Variants in SUN1 observed in about 807,000 individuals in gnomAD.
SUN1 encodes the protein Sad1 and UNC84 domain containing 1.
A neutral mutation model predicts 103.2 loss-of-function variants in SUN1; 61 were observed. The observed-to-expected ratio is 0.59, with a 90% CI of 0.48 to 0.73. The LOEUF (loss-of-function observed/expected upper bound fraction) is 0.73. Among genes scored for constraint, SUN1 ranks in the 30% least tolerant of loss-of-function variants. The probability of loss-of-function intolerance (pLI) is 0.00; values close to 1 mark genes in which losing one functional copy is unlikely to be tolerated. For synonymous variants in SUN1, 490 were observed against 425.7 expected, an observed-to-expected ratio of 1.15 and a Z score of -1.86; for missense variants, 1,052 against 1,034.6, an observed-to-expected ratio of 1.02 and a Z score of -0.23.
intron 16 of SUN1, among the ~76,000 whole-genome samples, chr7:868,196 G>A (rs1367513343): frequency 6.6e-6 from 1 of 152,270 alleles, no homozygotes; most frequent in African/African-American, 2.4e-5. Flanking sequence ...CAGGCTGCGT[G>A]CACGGTCTCC....
At chr7:855,986 G>A (rs1826917038) in intron 11 of SUN1, among the ~76,000 whole-genome samples, 1 of 152,224 alleles carries the variant, frequency 6.6e-6, no homozygotes, top group Admixed American at 6.5e-5. Flanking sequence ...GCGTGGTGCT[G>A]CTGCGGATGG....
At position 841,937 on chromosome 7, in the gene SUN1, TC is replaced by T. The variant is rs1810442606; in HGVS notation, c.267-8del. On this transcript the variant is annotated splice_region_variant and splice_polypyrimidine_tract_variant and intron_variant, in intron 2 of 18. Transcript: ENST00000401592. ...GATCTATAAACTTGCTGTTTTTTTT[TC>T]TTCTTAGAACAACAAAACAGCGCAG... 6.2e-7 allele frequency: 1 copy of T among 1,613,436 alleles called. No homozygotes were observed. The highest frequency in any genetic ancestry group is 1.7e-5 in the Admixed American group (1 of 59,948).
At chr7:868,456 C>A in intron 16 of SUN1, 1 of 294,430 alleles carries the variant, frequency 3.4e-6, no homozygotes, top group Non-Finnish European at 6.7e-6. Context: ...TGCATTTTCC[C>A]AGGGCATCAG....
chr7:843,549 A>C, intron 5 of SUN1, 29 bp downstream of exon 5: 1 of 1,613,844 alleles, frequency 6.2e-7, no homozygotes, highest in Non-Finnish European at 8.5e-7. Context: ...AAACTCAGAA[A>C]AAGGTGTGTT....
chr7:855,713 C>T (rs1180493616), intron 11 of SUN1, among the ~76,000 whole-genome samples: 1 of 152,142 alleles, frequency 6.6e-6, no homozygotes, highest in East Asian at 1.9e-4. Flanking sequence ...CAGGCAGAGG[C>T]GAGAATGTAC....
intron 16 of SUN1, chr7:868,864 TGGTC>T (rs1839295929): frequency 8.6e-6 from 1 of 116,550 alleles, no homozygotes; most frequent in Non-Finnish European, 1.6e-5. Context: ...CCTGTGGTGT[TGGTC>T]GGATGGGGGG....
At chr7:873,085 T>TCAA in intron 18 of SUN1, 130 bp from the exon 19 acceptor site, 4 of 863,350 alleles carry the variant, frequency 4.6e-6, no homozygotes, top group Non-Finnish European at 7.6e-6. Context: ...AGACTCTGTC[T>TCAA]CAACAACAAC....
chr7:831,958 G>GT, upstream of SUN1: 1 of 813,980 alleles, frequency 1.2e-6, no homozygotes, highest in South Asian at 5.6e-5. Context: ...AAAATATCCT[G>GT]TTTTTTGGTG....
chr7:852,726 C>T (rs1430515386), intron 8 of SUN1, 59 bp downstream of exon 8: 4 of 1,613,434 alleles, frequency 2.5e-6, no homozygotes. Flanking sequence ...ATATGTGTAA[C>T]TTAGTGGAAA....
upstream of SUN1, among the ~76,000 whole-genome samples, chr7:827,948 C>T (rs925192930): frequency 2.0e-5 from 3 of 152,040 alleles, no homozygotes; most frequent in African/African-American, 4.8e-5. Flanking sequence ...CTCACTCTGT[C>T]ACAGGCTGGA....
At chr7:840,646 T>TC (rs1215769473) in intron 2 of SUN1, among the ~76,000 whole-genome samples, 4 of 148,840 alleles carry the variant, frequency 2.7e-5, no homozygotes, top group Non-Finnish European at 6.0e-5. Flanking sequence ...ATTCTTTTTT[T>TC]TTTTTTTTTT....
chr7:819,128 G>A (rs1783666057), intron 1 of SUN1, among the ~76,000 whole-genome samples: 1 of 151,682 alleles, frequency 6.6e-6, no homozygotes, highest in African/African-American at 2.4e-5. Flanking sequence ...CTCCCAAAGT[G>A]CTGGGATGAC....
At chr7:851,784 T>TA in intron 6 of SUN1, 166 bp from the exon 7 acceptor site, 1 of 666,500 alleles carries the variant, frequency 1.5e-6, no homozygotes, top group Non-Finnish European at 2.6e-6. Flanking sequence ...ATCAGCATGA[T>TA]ACGTTACTGC....
intron 5 of SUN1, among the ~76,000 whole-genome samples, chr7:848,052 G>T (rs1033883671): frequency 6.6e-6 from 1 of 151,264 alleles, no homozygotes; most frequent in African/African-American, 2.4e-5. Context: ...GGGATCCCCT[G>T]GGGGTTACCC....
chr7:843,720 C>T (rs1812409851), intron 5 of SUN1, 200 bp downstream of exon 5: 2 of 1,427,670 alleles, frequency 1.4e-6, no homozygotes, highest in Middle Eastern at 1.8e-4. Flanking sequence ...AATTTTGTAC[C>T]TAAAAGTATT....
At chr7:858,005 G>GA in intron 13 of SUN1, 48 bp downstream of exon 13, 1 of 1,503,272 alleles carries the variant, frequency 6.7e-7, no homozygotes, top group East Asian at 2.4e-5. Context: ...GAAAGTAAAA[G>GA]AAAACTTGAA....
chr7:826,199 G>A (rs1353840994), intron 1 of SUN1, among the ~76,000 whole-genome samples: 1 of 152,184 alleles, frequency 6.6e-6, no homozygotes, highest in African/African-American at 2.4e-5. Context: ...TGGCACTCTA[G>A]CCTGGGCGAC....
At position 874,583 on chromosome 7, in the gene SUN1, A is replaced by G. The variant is rs1843372623; in HGVS notation, c.*1252A>G. 1 of 151,940 alleles carries G rather than the reference A, an allele frequency of 6.6e-6. No homozygotes were observed. The highest frequency in any genetic ancestry group is 6.5e-5 in the Admixed American group (1 of 15,276). The allele number at this position is 151,940 out of a possible 1,614,324, so 9.4% of individuals were successfully genotyped here. A position where few individuals can be genotyped will look rare whatever the true frequency, so the allele number is the denominator to read the frequency against. ...CTCAAATACACTGATGTATGAAACT[A>G]TTCATACATCAAGCAGCATTTTTTT... On this transcript the variant is annotated 3_prime_UTR_variant, in exon 19 of 19. Transcript: ENST00000401592.
chr7:870,268 A>G (rs1369778173), intron 17 of SUN1, among the ~76,000 whole-genome samples: 1 of 151,754 alleles, frequency 6.6e-6, no homozygotes, highest in Non-Finnish European at 1.5e-5. Flanking sequence ...AAATTTTCAT[A>G]AAGTATTTCA....
Sources: gnomAD v4.1 joint callset for allele counts (sites outside exome capture counted in the v4.1 genomes callset) on GRCh38, gnomAD v4.1.1 for gene constraint, MANE v1.5 for transcripts, NCBI Gene and HGNC (gene_info 2026-07-23, HGNC 2026-07-21) for gene names.